The following EDARADD variants were observed in gnomAD, a reference collection of about 807,000 sequenced individuals.
The protein encoded by EDARADD is ectodysplasin-A receptor-associated adapter protein.
EDARADD carries 20 observed loss-of-function variants against 25.6 expected under a neutral mutation model. The ratio of observed to expected loss-of-function variants is 0.78; its 90% CI spans 0.55 to 1.14. The LOEUF (loss-of-function observed/expected upper bound fraction) is 1.14. EDARADD is among the 50% of genes most tolerant of loss of function. EDARADD has a pLI of 0.00. For synonymous variants in EDARADD, 86 were observed against 94.4 expected (o/e 0.91, Z 0.52); for missense variants, 225 against 270.1 (o/e 0.83, Z 1.17).
At chr1:236,381,050 C>G (rs6700178) in intron 3 of EDARADD, among the ~76,000 whole-genome samples, 26,498 of 152,182 alleles carry the variant, frequency 0.17, 2,465 homozygotes, top group South Asian at 0.26. Context: ...GTTTACTCAT[C>G]TGCCTTTGTA....
chr1:236,356,772 A>G (rs1035111662), intron 3 of EDARADD, among the ~76,000 whole-genome samples: 1 of 151,542 alleles, frequency 6.6e-6, no homozygotes, highest in Admixed American at 6.6e-5. Context: ...AAAAAACCAC[A>G]CCAATTTGGC....
At chr1:236,351,851 T>A (rs181841751) in intron 3 of EDARADD, among the ~76,000 whole-genome samples, 10 of 152,170 alleles carry the variant, frequency 6.6e-5, no homozygotes, top group Non-Finnish European at 1.3e-4. Context: ...GTGCTACCTT[T>A]ATGGGTTTTT....
At chr1:236,389,202 C>A (rs1270365316) in intron 3 of EDARADD, among the ~76,000 whole-genome samples, 1 of 152,178 alleles carries the variant, frequency 6.6e-6, no homozygotes, top group Non-Finnish European at 1.5e-5. Flanking sequence ...GGAACACCTG[C>A]AAGGTTGTGA....
intron 1 of EDARADD, among the ~76,000 whole-genome samples, chr1:236,405,790 T>TTTC (rs750188716): frequency 0.033 from 1,632 of 49,434 alleles, 32 homozygotes; most frequent in African/African-American, 0.056. Flanking sequence ...TCTTTCTTTC[T>TTTC]TTTCTTTTTC....
chr1:236,468,276 G>C lies in EDARADD; in HGVS notation c.265G>C (p.Glu89Gln), dbSNP rs1355459862. The C allele has an allele frequency of 6.2e-7, 1 of 1,613,882 alleles. No homozygotes were observed. The highest frequency in any genetic ancestry group is 8.5e-7 in the Non-Finnish European group (1 of 1,179,914). ...FPDSTGDPLP[E>Q]ISKDNSCKEN... Reference sequence around the variant, plus strand: ...AGATAGCACTGGAGATCCTCTTCCAGGTAAATGATTGATTCTAAAGCTATC... The same window carrying C: ...AGATAGCACTGGAGATCCTCTTCCACGTAAATGATTGATTCTAAAGCTATC... Residue 89 changes from glutamate to glutamine, a missense_variant and splice_region_variant, in exon 5 of 6, where the codon GAG (glutamate) becomes CAG (glutamine). Coordinates refer to ENST00000334232, the MANE Select transcript of EDARADD (RefSeq NM_145861.4).
At chr1:236,359,399 G>A (rs1215640058) in intron 3 of EDARADD, among the ~76,000 whole-genome samples, 1 of 152,196 alleles carries the variant, frequency 6.6e-6, no homozygotes, top group African/African-American at 2.4e-5. Context: ...GAGCTCTTTT[G>A]GCCTTCAACC....
At chr1:236,459,195 T>C (rs1223875846) in intron 4 of EDARADD, among the ~76,000 whole-genome samples, 2 of 152,130 alleles carry the variant, frequency 1.3e-5, no homozygotes, top group Non-Finnish European at 2.9e-5. Flanking sequence ...CTGGGATTTG[T>C]GAATGAAATA....
At chr1:236,410,603 G>A (rs528648582) in intron 2 of EDARADD, among the ~76,000 whole-genome samples, 8 of 152,120 alleles carry the variant, frequency 5.3e-5, no homozygotes, top group Non-Finnish European at 1.2e-4. Flanking sequence ...TTCTTGCTGA[G>A]GGCCAAAGCG....
intron 3 of EDARADD, 124 bp from the exon 4 acceptor site, chr1:236,427,268 T>C: frequency 6.5e-6 from 6 of 920,110 alleles, no homozygotes; most frequent in Non-Finnish European, 1.0e-5. Flanking sequence ...CCAGCCCTTC[T>C]GATTTTACCA....
intron 3 of EDARADD, among the ~76,000 whole-genome samples, chr1:236,358,282 T>C (rs772381644): frequency 3.9e-5 from 6 of 152,266 alleles, no homozygotes; most frequent in Non-Finnish European, 7.3e-5. Context: ...ATTGGAATAC[T>C]TATTCTATTT....
intron 3 of EDARADD, among the ~76,000 whole-genome samples, chr1:236,389,007 C>CAA (rs11415878): frequency 2.6e-5 from 4 of 152,062 alleles, no homozygotes; most frequent in Non-Finnish European, 5.9e-5. Context: ...AAACATCCCT[C>CAA]AAAAAACTTC....
intron 3 of EDARADD, among the ~76,000 whole-genome samples, chr1:236,379,704 C>T (rs1163942373): frequency 5.3e-5 from 8 of 151,126 alleles, no homozygotes; most frequent in Non-Finnish European, 7.4e-5. Flanking sequence ...ACTTGAACCC[C>T]GGGGGGTGGA....
chr1:236,372,981 T>TCTCGG, intron 3 of EDARADD, among the ~76,000 whole-genome samples: 1 of 143,900 alleles, frequency 6.9e-6, no homozygotes, highest in East Asian at 2.3e-4. Flanking sequence ...AGTGGTGCGA[T>TCTCGG]CTCGGCTCAC....
chr1:236,417,689 G>A (rs1558117262), intron 3 of EDARADD, among the ~76,000 whole-genome samples: 2 of 151,914 alleles, frequency 1.3e-5, no homozygotes, highest in Non-Finnish European at 2.9e-5. Context: ...CCAGTATCTC[G>A]CAGAAGCTGC....
At chr1:236,408,692 A>G (rs181587613) in intron 1 of EDARADD, among the ~76,000 whole-genome samples, 1 of 152,020 alleles carries the variant, frequency 6.6e-6, no homozygotes, top group Admixed American at 6.5e-5. Flanking sequence ...GTAGTGAGCT[A>G]TGATTGTGCC....
At chr1:236,355,913 A>T (rs1666970767) in intron 3 of EDARADD, among the ~76,000 whole-genome samples, 1 of 151,900 alleles carries the variant, frequency 6.6e-6, no homozygotes, top group South Asian at 2.1e-4. Flanking sequence ...GTCAGGCTAA[A>T]CTCTTAAAAA....
intron 5 of EDARADD, among the ~76,000 whole-genome samples, chr1:236,469,680 C>G (rs1659307651): frequency 6.6e-6 from 1 of 152,066 alleles, no homozygotes; most frequent in African/African-American, 2.4e-5. Context: ...AGGTGCAGTG[C>G]GTACTCAACT....
intron 4 of EDARADD, among the ~76,000 whole-genome samples, chr1:236,457,400 A>G (rs978695165): frequency 6.6e-6 from 1 of 152,116 alleles, no homozygotes; most frequent in African/African-American, 2.4e-5. Context: ...CTGTAGTCGC[A>G]GCTACTCGGG....
At chr1:236,404,139 C>G (rs75148280) in intron 1 of EDARADD, among the ~76,000 whole-genome samples, 14,071 of 152,234 alleles carry the variant, frequency 0.092, 829 homozygotes, top group Admixed American at 0.17. Context: ...CTCCTCTGCC[C>G]GTCCTATTAG....
Sources: allele counts gnomAD v4.1 joint callset (sites outside exome capture counted in the v4.1 genomes callset), GRCh38; gene constraint gnomAD v4.1.1; transcripts MANE v1.5; gene names NCBI Gene and HGNC (gene_info 2026-07-23, HGNC 2026-07-21).